SRRM2: variants seen among roughly 807,000 people sequenced by gnomAD.
The protein encoded by SRRM2 is serine/arginine repetitive matrix protein 2.
SRRM2 carries 30 observed loss-of-function variants against 213.8 expected under a neutral mutation model. The observed-to-expected ratio is 0.14, with a 90% CI of 0.10 to 0.19. SRRM2 has a LOEUF of 0.19. Ranked by LOEUF, SRRM2 falls within the 10% of genes least tolerant of loss-of-function variation. The probability of loss-of-function intolerance (pLI) is 1.00; values close to 1 mark genes in which losing one functional copy is unlikely to be tolerated. For synonymous variants in SRRM2, 2,025 were observed against 1,377.7 expected, an observed-to-expected ratio of 1.47 and a Z score of -10.40; for missense variants, 4,904 against 3,647.0, an observed-to-expected ratio of 1.34 and a Z score of -8.88.
rs749231720 is a variant in SRRM2, at chr16:2,759,340, C to T, written c.690-12C>T. The T allele has an allele frequency of 1.8e-5, 29 of 1,607,640 alleles. No homozygotes were observed. Among genetic ancestry groups the T allele is most frequent in the South Asian group, 3.4e-5 (3 of 89,076 alleles). The stretch of plus-strand genomic sequence containing the variant: ...AAGAAGTTACTTTTAACAACCTTTC[C>T]TTATTTCCCAGGTCTCCCACTCCAA... On this transcript the variant is annotated splice_polypyrimidine_tract_variant and intron_variant, in intron 7 of 14. Coordinates refer to ENST00000301740, the MANE Select transcript of SRRM2 (RefSeq NM_016333.4).
Position 2,768,148 on chromosome 16 carries a change from T to C in SRRM2, c.7620T>C (p.Ser2540=), listed in dbSNP as rs2150779790. 11 of 1,613,518 alleles carry C rather than the reference T, an allele frequency of 6.8e-6. No homozygotes were observed. The highest frequency in any genetic ancestry group is 9.3e-6 in the Non-Finnish European group (11 of 1,179,576). Residue 2540 remains serine (S), a synonymous_variant, in exon 11 of 15, where the codon TCT becomes TCC. Transcript: ENST00000301740. ...RRSSSSSSSS[S]SSSSSSSSSS... ...GTTCCTCCTCGTCGTCGTCGTCCTC[T>C]AGCTCCTCCTCTTCTTCATCATCGT...
chr16:2,757,326 A>G (rs2068179678), intron 2 of SRRM2, 146 bp from the exon 3 acceptor site: 1 of 633,384 alleles, frequency 1.6e-6, no homozygotes, highest in East Asian at 2.7e-5. Context: ...ATGGGAAAAG[A>G]TCAGACAGAA....
Position 2,770,928 on chromosome 16 carries a change from T to G in SRRM2, c.*61T>G. 6.2e-7 allele frequency: 1 copy of G among 1,608,874 alleles called. No homozygotes were observed. Among genetic ancestry groups the G allele is most frequent in the South Asian group, 1.1e-5 (1 of 90,338 alleles). On this transcript the variant is annotated 3_prime_UTR_variant, in exon 15 of 15. Coordinates refer to ENST00000301740, the MANE Select transcript of SRRM2 (RefSeq NM_016333.4). ...TGGAGCCACAAGGAGTGTCCCTTCT[T>G]CCCCAGCAGAGCCGTGGGAGGGTCC...
chr16:2,754,940 G>A (rs1012944581), intron 1 of SRRM2, among the ~76,000 whole-genome samples: 5 of 152,168 alleles, frequency 3.3e-5, no homozygotes, highest in Non-Finnish European at 7.3e-5. Context: ...CCATCCTTAG[G>A]CGCATGCGCT....
Position 2,765,584 on chromosome 16 carries a change from C to G in SRRM2, c.5056C>G (p.Pro1686Ala). The G allele has an allele frequency of 6.2e-7, 1 of 1,614,208 alleles. No individual in the cohort carries two copies. The highest frequency in any genetic ancestry group is 8.5e-7 in the Non-Finnish European group (1 of 1,180,040). Residue 1686 changes from proline to alanine, a missense_variant, in exon 11 of 15, where the codon CCT (proline) becomes GCT (alanine). Coordinates refer to ENST00000301740, the MANE Select transcript of SRRM2 (RefSeq NM_016333.4). Reference sequence around the variant, plus strand: ...GCCCAAGACCAAGTCTCGTACACCACCTCGACGTCGCAGCTCTCGATCATC... The same window carrying G: ...GCCCAAGACCAAGTCTCGTACACCAGCTCGACGTCGCAGCTCTCGATCATC... ...PEPKTKSRTP[P>A]RRRSSRSSPE...
intron 11 of SRRM2, 75 bp from the exon 12 acceptor site, chr16:2,768,922 G>C (rs563171280): frequency 1.9e-6 from 3 of 1,595,496 alleles, no homozygotes; most frequent in Non-Finnish European, 8.5e-7. Context: ...CCCCACTGCC[G>C]TTCCTCCAGG....
intron 12 of SRRM2, chr16:2,769,716 C>T (rs2068674818): frequency 2.1e-6 from 1 of 478,214 alleles, no homozygotes; most frequent in African/African-American, 2.0e-5. Flanking sequence ...CTACTTCCCT[C>T]CACTCCACAA....
Position 2,761,696 on chromosome 16 carries a change from C to G in SRRM2, c.1168C>G (p.Pro390Ala). Residue 390 changes from proline to alanine, a missense_variant, in exon 11 of 15, where the codon CCA becomes GCA. By Grantham distance (27) the Pro-to-Ala change is conservative (BLOSUM62 -1). Transcript: ENST00000301740. The part of the protein sequence containing the change: ...PLATTPLSQE[P>A]VNPPSEASPT... ...TGCAACCACCCCCTTAAGCCAGGAG[C>G]CAGTGAACCCCCCATCTGAGGCCTC... 1 of 1,604,372 alleles carries G rather than the reference C, an allele frequency of 6.2e-7. No individual in the cohort carries two copies. The highest frequency in any genetic ancestry group is 8.5e-7 in the Non-Finnish European group (1 of 1,175,296).
intron 10 of SRRM2, chr16:2,760,974 G>T: frequency 6.3e-6 from 1 of 157,596 alleles, no homozygotes; most frequent in Non-Finnish European, 1.4e-5. Context: ...CTGAATTCTT[G>T]GCCTCTATCA....
chr16:2,756,857 G>T (rs1345718052), intron 2 of SRRM2, among the ~76,000 whole-genome samples: 1 of 151,894 alleles, frequency 6.6e-6, no homozygotes, highest in Non-Finnish European at 1.5e-5. Flanking sequence ...AGAAGGGAGG[G>T]GCCATTGAGG....
In SRRM2 at chr16:2,765,906, C is replaced by G; in HGVS notation, c.5378C>G (p.Ser1793Cys). The G allele has an allele frequency of 6.2e-7, 1 of 1,614,194 alleles. No homozygotes were observed. Among genetic ancestry groups the G allele is most frequent in the Non-Finnish European group, 8.5e-7 (1 of 1,180,030 alleles). ...RTTRRRDRSG[S>C]SQSTSRRRQR... ...ACCCGACGTCGAGATAGGTCTGGAT[C>G]TTCTCAGTCAACCTCTCGGCGAAGA... Residue 1793 changes from serine to cysteine, a missense_variant, in exon 11 of 15, where the codon TCT (serine) becomes TGT (cysteine). Coordinates refer to ENST00000301740, the MANE Select transcript of SRRM2 (RefSeq NM_016333.4).
Position 2,766,230 on chromosome 16 carries a change from G to A in SRRM2, c.5702G>A (p.Arg1901Lys). 6.2e-7 allele frequency: 1 copy of A among 1,614,188 alleles called. No homozygotes were observed. Among genetic ancestry groups the A allele is most frequent in the Non-Finnish European group, 8.5e-7 (1 of 1,180,040 alleles). The change falls in exon 11 of 15, where the codon AGG (arginine) becomes AAG (lysine). Residue 1901 changes from arginine to lysine, a missense_variant. By Grantham distance (26) the Arg-to-Lys change is conservative. Coordinates refer to ENST00000301740, the MANE Select transcript of SRRM2 (RefSeq NM_016333.4). The surrounding 1 kb of genome is among the most constrained non-coding windows in gnomAD (Gnocchi z 7.0). ...RTSPVSRRRS[R>K]SRTSVTRRRS... ...TCACCAGTCAGCCGGAGACGGTCAAGGTCCAGGACTTCAGTGACTCGACGA... is the reference window on the plus strand; with the variant it reads ...TCACCAGTCAGCCGGAGACGGTCAAAGTCCAGGACTTCAGTGACTCGACGA...
Position 2,766,072 on chromosome 16 carries a change from T to G in SRRM2, c.5544T>G (p.Ser1848Arg), listed in dbSNP as rs1596286833. The change falls in exon 11 of 15, where the codon AGT becomes AGG. Residue 1848 changes from serine (S) to arginine (R), a missense_variant. Coordinates refer to ENST00000301740, the MANE Select transcript of SRRM2 (RefSeq NM_016333.4). This position sits in a 1 kb window ranked among gnomAD's most constrained non-coding sequence, Gnocchi z 7.0. ...RRGRSRTPPT[S>R]RKRSRSRTSP... ...GCCGCTCTCGGACACCCCCAACCAGTCGGAAGCGTTCTCGCTCACGCACAT... is the reference window on the plus strand; with the variant it reads ...GCCGCTCTCGGACACCCCCAACCAGGCGGAAGCGTTCTCGCTCACGCACAT... The G allele has an allele frequency of 6.2e-7, 1 of 1,613,934 alleles. No homozygotes were observed. Among genetic ancestry groups the G allele is most frequent in the Non-Finnish European group, 8.5e-7 (1 of 1,179,964 alleles).
At chr16:2,770,797 C>G (rs1369159260) in intron 14 of SRRM2, 61 bp from the exon 15 acceptor site, 1 of 1,612,276 alleles carries the variant, frequency 6.2e-7, no homozygotes, top group Non-Finnish European at 8.5e-7. Flanking sequence ...GGGAGTGGCC[C>G]AGAAACTGGC....
rs771254452 is a variant in SRRM2 at position 2,763,045 on chromosome 16, T to C, written c.2517T>C (p.Ser839=). 1 of 1,613,978 alleles carries C rather than the reference T, an allele frequency of 6.2e-7. No individual in the cohort carries two copies. The highest frequency in any genetic ancestry group is 8.5e-7 in the Non-Finnish European group (1 of 1,179,986). ...CAAGACAAAGTCATTCCAGTTCATC[T>C]CCTCATCCTAAAGTGAAATCTGGAA... ...TPSRQSHSSS[S]PHPKVKSGTP... The change falls in exon 11 of 15, where the codon TCT becomes TCC. Residue 839 remains serine (S), a synonymous_variant. Coordinates refer to ENST00000301740, the MANE Select transcript of SRRM2 (RefSeq NM_016333.4).
chr16:2,769,614 G>A (rs995897032), intron 12 of SRRM2: 17 of 604,190 alleles, frequency 2.8e-5, no homozygotes, highest in African/African-American at 7.3e-5. Flanking sequence ...ATCTTCTCCC[G>A]ACTCTGTCCA....
chr16:2,768,910 C>T (rs745336611), intron 11 of SRRM2, 87 bp from the exon 12 acceptor site: 33 of 1,578,536 alleles, frequency 2.1e-5, no homozygotes, highest in Non-Finnish European at 2.7e-5. Flanking sequence ...AGGCACCCCT[C>T]CCCCCACTGC....
intron 1 of SRRM2, among the ~76,000 whole-genome samples, chr16:2,754,808 G>A (rs987257662): frequency 6.6e-6 from 1 of 152,124 alleles, no homozygotes; most frequent in Non-Finnish European, 1.5e-5. Flanking sequence ...TAGAGAAATT[G>A]ATTTTTTGAG....
rs924438733 is a variant in SRRM2, at chr16:2,768,800, A to T, written c.7734-197A>T. ...CTTGATCCCTTATGCTGCGGGCCCCAGCCTGTTGCTTCTGTTAGCAGAGGT... is the reference window on the plus strand; with the variant it reads ...CTTGATCCCTTATGCTGCGGGCCCCTGCCTGTTGCTTCTGTTAGCAGAGGT... On this transcript the variant is annotated intron_variant, in intron 11 of 14. Transcript: ENST00000301740. The T allele has an allele frequency of 6.6e-6, 7 of 1,062,808 alleles. No individual in the cohort carries two copies. The African/African-American group carries it at 1.1e-4, about 17-fold the overall frequency. 65.8% of individuals were successfully genotyped at this position (1,062,808 alleles called of 1,614,324 possible).
Sources: gnomAD v4.1 joint callset for allele counts (sites outside exome capture counted in the v4.1 genomes callset) on GRCh38, gnomAD v4.1.1 for gene constraint, Gnocchi (gnomAD v3.1) non-coding constraint, MANE v1.5 for transcripts, NCBI Gene and HGNC (gene_info 2026-07-23, HGNC 2026-07-21) for gene names.